ERMP1: variants seen among roughly 807,000 people sequenced by gnomAD.
The protein encoded by ERMP1 is Felix-ina.
ERMP1 carries 86 observed loss-of-function variants against 92.0 expected under a neutral mutation model. The observed-to-expected ratio is 0.93, with a 90% confidence interval of 0.79 to 1.12. The LOEUF (loss-of-function observed/expected upper bound fraction) is 1.12, where lower values mean the gene tolerates loss of function less well. Ranked by LOEUF, ERMP1 falls within the 50% of genes most tolerant of loss-of-function variation. The pLI is 0.00. For missense variants in ERMP1, 1,342 were observed against 1,116.3 expected, an observed-to-expected ratio of 1.20 and a Z score of -2.88; for synonymous variants, 530 against 412.8, an observed-to-expected ratio of 1.28 and a Z score of -3.44.
chr9:5,812,630 C>T, intron 5 of ERMP1: 1 of 505,852 alleles, frequency 2.0e-6, no homozygotes. Flanking sequence ...GATCTATTAC[C>T]ATCTTTTGGG....
intron 4 of ERMP1, among the ~76,000 whole-genome samples, chr9:5,814,749 T>A: frequency 6.6e-6 from 1 of 151,862 alleles, no homozygotes. Flanking sequence ...AAATTAAAAA[T>A]TAAAAATGAC....
chr9:5,857,680 AG>A (rs2129772478), intron 6 of ERMP1, among the ~76,000 whole-genome samples: 1 of 152,300 alleles, frequency 6.6e-6, no homozygotes, highest in Non-Finnish European at 1.5e-5. Flanking sequence ...AGGGTAAGCA[AG>A]GGTGGACAGT....
chr9:5,831,116 C>A (rs951766941), intron 1 of ERMP1, 88 bp from the exon 2 acceptor site: 3 of 1,013,890 alleles, frequency 3.0e-6, no homozygotes, highest in Non-Finnish European at 4.4e-6. Flanking sequence ...CCCTTCCTCC[C>A]CAAAAAAGCT....
rs367844330 is a variant in ERMP1, at chr9:5,847,153, T to C, written n.3199+12315A>G. 1.7e-4 allele frequency among the ~76,000 whole-genome samples: 26 copies of C among 152,298 alleles called. No homozygotes were observed. The East Asian group carries it at 2.9e-3, about 17-fold the overall frequency. On this transcript the variant is annotated intron_variant and non_coding_transcript_variant, in intron 6 of 6. Transcript: ENST00000690753. ...AACTCACTGTTAGATCTAGAAAATA[T>C]GGGCTTTGTTTTTTTCAATTCTTAC...
intron 8 of ERMP1, among the ~76,000 whole-genome samples, chr9:5,806,984 T>C (rs1044394777): frequency 1.3e-5 from 2 of 152,182 alleles, no homozygotes; most frequent in African/African-American, 2.4e-5. Flanking sequence ...ACTTAAGTTA[T>C]TAACACTGCG....
chr9:5,851,402 CTT>C (rs1226459589), intron 6 of ERMP1, among the ~76,000 whole-genome samples: 1 of 152,096 alleles, frequency 6.6e-6, no homozygotes, highest in Non-Finnish European at 1.5e-5. Context: ...TATTTAAAGA[CTT>C]TTCATCAATA....
At chr9:5,842,387 C>T (rs1014723969) in intron 6 of ERMP1, among the ~76,000 whole-genome samples, 1 of 150,562 alleles carries the variant, frequency 6.6e-6, no homozygotes, top group African/African-American at 2.4e-5. Flanking sequence ...CCGGCTTCAC[C>T]TCTCAACTGC....
In ERMP1 at chr9:5,832,840, C is replaced by T. The variant is rs62638713; in HGVS notation, c.188G>A (p.Gly63Asp). The T allele has an allele frequency of 9.0e-3, 13,464 of 1,503,422 alleles. 74 individuals are homozygous for T. The highest frequency in any genetic ancestry group is 0.025 in the Middle Eastern group (126 of 5,052). The allele number at this position is 1,503,422 out of a possible 1,614,324, so 93.1% of individuals were successfully genotyped here. Residue 63 changes from glycine to aspartate, a missense_variant, in exon 1 of 15, where the codon GGC becomes GAC. By Grantham distance (94) the Gly-to-Asp change is moderately conservative (BLOSUM62 -1). Transcript: ENST00000339450. The stretch of plus-strand genomic sequence containing the variant: ...CACCTCAGACAGCCCGGTCCCCGCG[C>T]CCCTGCTCGCGCCGCCGCTACCCCC... ...SPGGSGGASR[G>D]AGTGLSEVRA... is the part of the protein sequence containing the mutation.
intron 4 of ERMP1, among the ~76,000 whole-genome samples, chr9:5,823,552 A>G (rs771898271): frequency 4.6e-5 from 7 of 152,194 alleles, no homozygotes; most frequent in Non-Finnish European, 8.8e-5. Context: ...CTGCCATTAA[A>G]CAACTGTGAA....
intron 4 of ERMP1, among the ~76,000 whole-genome samples, chr9:5,823,221 G>A (rs766442067): frequency 5.9e-5 from 9 of 152,070 alleles, no homozygotes; most frequent in Non-Finnish European, 1.3e-4. Flanking sequence ...GGAGGTCAAG[G>A]CTGCATGATG....
At chr9:5,855,431 C>A (rs1830362263) in intron 6 of ERMP1, among the ~76,000 whole-genome samples, 5 of 152,298 alleles carry the variant, frequency 3.3e-5, no homozygotes. Context: ...TGTGATTCAA[C>A]AGCCTTTGAG....
At chr9:5,803,951 A>C (rs1463734612) in intron 10 of ERMP1, among the ~76,000 whole-genome samples, 1 of 152,164 alleles carries the variant, frequency 6.6e-6, no homozygotes, top group Non-Finnish European at 1.5e-5. Flanking sequence ...CTATATACAC[A>C]AAGTCACATA....
intron 10 of ERMP1, among the ~76,000 whole-genome samples, chr9:5,803,980 A>C (rs777622338): frequency 1.3e-5 from 2 of 152,166 alleles, no homozygotes; most frequent in African/African-American, 2.4e-5. Flanking sequence ...TTTACTGGCT[A>C]TAAGGGACTT....
At chr9:5,806,604 A>T (rs1828882840) in intron 8 of ERMP1, among the ~76,000 whole-genome samples, 1 of 152,032 alleles carries the variant, frequency 6.6e-6, no homozygotes, top group African/African-American at 2.4e-5. Context: ...AAGTTTAAAA[A>T]AAACATTTTT....
At chr9:5,808,736 TTTTGTTTG>T (rs762674951) in intron 8 of ERMP1, among the ~76,000 whole-genome samples, 1 of 152,186 alleles carries the variant, frequency 6.6e-6, no homozygotes, top group Non-Finnish European at 1.5e-5. Context: ...CTTTTTAAAT[TTTTGTTTG>T]TTTGTTTGTT....
At chr9:5,813,391 T>C (rs1306269117) in intron 4 of ERMP1, among the ~76,000 whole-genome samples, 1 of 152,246 alleles carries the variant, frequency 6.6e-6, no homozygotes, top group Non-Finnish European at 1.5e-5. Flanking sequence ...AAGATATATA[T>C]ACTTTGTACA....
intron 6 of ERMP1, among the ~76,000 whole-genome samples, chr9:5,840,830 C>G (rs1267804895): frequency 6.6e-6 from 1 of 152,200 alleles, no homozygotes; most frequent in Non-Finnish European, 1.5e-5. Flanking sequence ...GCATTAAAAC[C>G]TTCATTTGCA....
intron 6 of ERMP1, among the ~76,000 whole-genome samples, chr9:5,840,673 G>A (rs977807083): frequency 2.6e-5 from 4 of 152,186 alleles, no homozygotes; most frequent in African/African-American, 7.2e-5. Flanking sequence ...TGTAACCTGC[G>A]GTGTATCCTC....
At chr9:5,790,848 A>G (rs1414707658) in intron 13 of ERMP1, among the ~76,000 whole-genome samples, 2 of 152,226 alleles carry the variant, frequency 1.3e-5, no homozygotes, top group Non-Finnish European at 2.9e-5. Flanking sequence ...AGTACAAGAC[A>G]CATCAATTGA....
Sources: gnomAD v4.1 joint callset for allele counts (sites outside exome capture counted in the v4.1 genomes callset) on GRCh38, gnomAD v4.1.1 for gene constraint, MANE v1.5 for transcripts, NCBI Gene and HGNC (gene_info 2026-07-23, HGNC 2026-07-21) for gene names.